PITPNB: variants seen among roughly 807,000 people sequenced by gnomAD.
PITPNB encodes the protein phosphatidylinositol transfer protein beta isoform.
In PITPNB, 16 loss-of-function variants were observed where a neutral mutation model predicts 45.9. The observed-to-expected ratio is 0.35, with a 90% CI of 0.24 to 0.53. PITPNB has a LOEUF of 0.53. Ranked by LOEUF, PITPNB falls within the 20% of genes least tolerant of loss-of-function variation. PITPNB has a pLI of 0.93. For synonymous variants in PITPNB, 112 were observed against 108.9 expected (o/e 1.03, Z -0.18); for missense variants, 188 against 330.5 (o/e 0.57, Z 3.34).
Position 27,918,995 on chromosome 22 carries a change from G to A in PITPNB, c.20+177C>T, listed in dbSNP as rs1372945636. The A allele has an allele frequency of 5.7e-6, 5 of 882,764 alleles. No homozygotes were observed. The East Asian group carries it at 7.6e-5, about 13-fold the overall frequency. 54.7% of individuals were successfully genotyped at this position (882,764 alleles called of 1,614,324 possible). ...CGTGTTACCACGGCAATGCCTGGAG[G>A]GCCGAGGGGCGCACTCGCTGAGGGG... On this transcript the variant is annotated intron_variant, in intron 1 of 11. Coordinates refer to ENST00000335272, the MANE Select transcript of PITPNB (RefSeq NM_012399.5).
intron 3 of PITPNB, among the ~76,000 whole-genome samples, chr22:27,902,454 T>C (rs1387441079): frequency 6.6e-6 from 1 of 152,228 alleles, no homozygotes; most frequent in Non-Finnish European, 1.5e-5. Flanking sequence ...TGGCACAACC[T>C]GATTTCAGTT....
intron 7 of PITPNB, among the ~76,000 whole-genome samples, chr22:27,882,516 C>G (rs1159472208): frequency 6.6e-6 from 1 of 152,176 alleles, no homozygotes; most frequent in Non-Finnish European, 1.5e-5. Flanking sequence ...CTTTAAAGAC[C>G]AATTCAGTTT....
At chr22:27,856,958 A>G (rs920696294) in intron 10 of PITPNB, among the ~76,000 whole-genome samples, 5 of 152,210 alleles carry the variant, frequency 3.3e-5, no homozygotes, top group Non-Finnish European at 7.3e-5. Context: ...AAGGGAACAC[A>G]GAAGTGGGAG....
intron 8 of PITPNB, among the ~76,000 whole-genome samples, chr22:27,865,514 G>T (rs907225779): frequency 3.3e-5 from 5 of 152,192 alleles, no homozygotes; most frequent in Admixed American, 6.5e-5. Flanking sequence ...TGCTAGTGAA[G>T]AAATGTGTAA....
chr22:27,911,156 C>A, intron 2 of PITPNB, 47 bp from the exon 3 acceptor site: 1 of 1,442,678 alleles, frequency 6.9e-7, no homozygotes, highest in Non-Finnish European at 9.7e-7. Flanking sequence ...GTAGTAACTG[C>A]AGAAATTTAG....
At chr22:27,864,661 G>A (rs8138800) in intron 8 of PITPNB, among the ~76,000 whole-genome samples, 383 of 152,168 alleles carry the variant, frequency 2.5e-3, no homozygotes, top group Admixed American at 6.5e-3. Flanking sequence ...TTTTTCCAGC[G>A]GTACAGTGGT....
chr22:27,871,854 T>C (rs1934670019), intron 8 of PITPNB, among the ~76,000 whole-genome samples: 1 of 152,070 alleles, frequency 6.6e-6, no homozygotes, highest in East Asian at 1.9e-4. Context: ...CCTTCATGAA[T>C]AGCTTGGGCC....
chr22:27,896,436 C>T, intron 6 of PITPNB, 116 bp downstream of exon 6: 1 of 741,184 alleles, frequency 1.3e-6, no homozygotes, highest in South Asian at 1.5e-5. Flanking sequence ...CAATTTGACA[C>T]AGCTTGGTGC....
chr22:27,856,303 C>T (rs988021302), intron 10 of PITPNB, among the ~76,000 whole-genome samples: 9 of 152,198 alleles, frequency 5.9e-5, no homozygotes, highest in African/African-American at 1.9e-4. Flanking sequence ...GTCTATCTTA[C>T]ACCTTCTTCT....
intron 10 of PITPNB, among the ~76,000 whole-genome samples, chr22:27,856,475 G>A (rs1934177175): frequency 6.6e-6 from 1 of 152,174 alleles, no homozygotes; most frequent in Non-Finnish European, 1.5e-5. Context: ...GTGAGGCTGA[G>A]GACTTGTTAG....
intron 3 of PITPNB, among the ~76,000 whole-genome samples, chr22:27,909,207 C>CTTTTTTTTTTTTTTTTTTTTTTTTGTTT (rs34224616): frequency 1.2e-5 from 1 of 82,246 alleles, no homozygotes; most frequent in Admixed American, 1.6e-4. Flanking sequence ...ACTGGTAGTA[C>CTTTTTTTTTTTTTTTTTTTTTTTTGTTT]TTTTTTTTTT....
chr22:27,889,760 T>C (rs1935221306), intron 7 of PITPNB, among the ~76,000 whole-genome samples: 1 of 152,238 alleles, frequency 6.6e-6, no homozygotes, highest in South Asian at 2.1e-4. Flanking sequence ...CAGTGCTGCA[T>C]GCACAGCACT....
chr22:27,858,525 C>G lies in PITPNB; in HGVS notation c.646-16G>C. On this transcript the variant is annotated splice_polypyrimidine_tract_variant and intron_variant, in intron 9 of 11. Coordinates refer to ENST00000335272, the MANE Select transcript of PITPNB (RefSeq NM_012399.5). ...GTTTTTCTTGCTTTTAAAACAACAA[C>G]AAAAAAGTAGCATAAGATGACAAAA... is the stretch of plus-strand genomic sequence containing the variant. 1 of 1,597,846 alleles carries G rather than the reference C, an allele frequency of 6.3e-7. No homozygotes were observed. Among genetic ancestry groups the G allele is most frequent in the Non-Finnish European group, 8.5e-7 (1 of 1,173,148 alleles).
At chr22:27,913,308 T>TTC (rs912464351) in intron 2 of PITPNB, among the ~76,000 whole-genome samples, 9 of 152,248 alleles carry the variant, frequency 5.9e-5, no homozygotes, top group African/African-American at 2.2e-4. Context: ...TCTTTCTGTC[T>TTC]TCTGTCAGCT....
At position 27,913,008 on chromosome 22, in the gene PITPNB, G is replaced by A. The variant is rs1035953611; in HGVS notation, c.51+1309C>T. 8.1e-5 allele frequency among the ~76,000 whole-genome samples: 12 copies of A among 148,672 alleles called. No individual in the cohort carries two copies. In the East Asian group the frequency reaches 1.4e-3, roughly 17 times the overall value. On this transcript the variant is annotated intron_variant, in intron 2 of 11. Coordinates refer to ENST00000335272, the MANE Select transcript of PITPNB (RefSeq NM_012399.5). ...CAAAAAAAAAAAAAAAAAAAAGGTG[G>A]GGGGGGGAGTATAACAAAAAGCCGA...
intron 10 of PITPNB, among the ~76,000 whole-genome samples, chr22:27,857,772 G>C (rs1934214198): frequency 6.6e-6 from 1 of 152,194 alleles, no homozygotes; most frequent in Non-Finnish European, 1.5e-5. Context: ...GACACCCACT[G>C]GCTGCCGGCC....
At chr22:27,897,634 G>C (rs1207869709) in intron 4 of PITPNB, among the ~76,000 whole-genome samples, 167 bp downstream of exon 4, 1 of 152,152 alleles carries the variant, frequency 6.6e-6, no homozygotes, top group Non-Finnish European at 1.5e-5. Flanking sequence ...AAAGTTCTAG[G>C]GGGAGGAACC....
At chr22:27,894,679 A>G (rs1427699200) in intron 6 of PITPNB, 41 bp from the exon 7 acceptor site, 2 of 1,108,304 alleles carry the variant, frequency 1.8e-6, no homozygotes, top group Non-Finnish European at 1.4e-6. Flanking sequence ...CAAACTGTAG[A>G]TTATTCTATT....
chr22:27,877,673 A>G (rs1347365778), intron 7 of PITPNB, among the ~76,000 whole-genome samples: 16 of 152,222 alleles, frequency 1.1e-4, no homozygotes, highest in Admixed American at 9.2e-4. Flanking sequence ...CCCAAAAATG[A>G]AAGTACAAAA....
Sources: gnomAD v4.1 joint callset for allele counts (sites outside exome capture counted in the v4.1 genomes callset) on GRCh38, gnomAD v4.1.1 for gene constraint, MANE v1.5 for transcripts, NCBI Gene and HGNC (gene_info 2026-07-23, HGNC 2026-07-21) for gene names.